DNAH2: variants seen among roughly 807,000 people sequenced by gnomAD.
DNAH2 encodes the protein axonemal beta dynein heavy chain 2.
In DNAH2, 323 loss-of-function variants were observed where a neutral mutation model predicts 523.5. The ratio of observed to expected loss-of-function variants is 0.62; its 90% CI spans 0.56 to 0.68. DNAH2 has a LOEUF of 0.68. Among genes scored for constraint, DNAH2 ranks in the 30% least tolerant of loss-of-function variants. The pLI is 0.00. For missense variants in DNAH2, 4,907 were observed against 5,701.5 expected (o/e 0.86, Z 4.49); for synonymous variants, 2,093 against 2,177.4 (o/e 0.96, Z 1.08).
chr17:7,777,182 T>C (rs2076479376), intron 32 of DNAH2, among the ~76,000 whole-genome samples: 1 of 150,870 alleles, frequency 6.6e-6, no homozygotes, highest in African/African-American at 2.4e-5. Context: ...AGGTGGGTGC[T>C]CTGCAAGTAT....
At chr17:7,734,035 T>A in intron 5 of DNAH2, 148 bp from the exon 6 acceptor site, 1 of 659,176 alleles carries the variant, frequency 1.5e-6, no homozygotes, top group Non-Finnish European at 2.6e-6. Flanking sequence ...TTTCTTGATA[T>A]CAAAAAAGCA....
chr17:7,771,356 C>T lies in DNAH2; in HGVS notation c.4389C>T (p.Arg1463=). The T allele has an allele frequency of 1.9e-6, 3 of 1,614,160 alleles. No individual in the cohort carries two copies. Among genetic ancestry groups the T allele is most frequent in the South Asian group, 2.2e-5 (2 of 91,086 alleles). ...ATATCTTCCTAGGAGAAGACATCCG[C>T]AAGCAGCTGCCCAATGAATCGACCT... ...LENIFLGEDI[R]KQLPNESTLF... is the part of the protein sequence containing the mutation. Residue 1463 remains arginine, a synonymous_variant, in exon 28 of 86, where the codon CGC becomes CGT. Transcript: ENST00000572933.
chr17:7,791,398 A>G (rs1597670111), intron 44 of DNAH2, among the ~76,000 whole-genome samples: 1 of 152,186 alleles, frequency 6.6e-6, no homozygotes, highest in East Asian at 1.9e-4. Flanking sequence ...TTTTAAAACT[A>G]TATCATGCTA....
Position 7,824,641 on chromosome 17 carries a change from C to T in DNAH2, c.11767C>T (p.Arg3923Cys), listed in dbSNP as rs138939073. The change falls in exon 77 of 86, where the codon CGC becomes TGC. Residue 3923 changes from arginine (R) to cysteine (C), a missense_variant. Coordinates refer to ENST00000572933, the MANE Select transcript of DNAH2 (RefSeq NM_020877.5). ...LQVEDPHPSFRLWLSSIPHPD... is the reference protein window; with the variant it reads ...LQVEDPHPSFCLWLSSIPHPD... ...GGTGGAGGATCCTCATCCATCCTTC[C>T]GCCTCTGGCTCAGCTCCATCCCCCA... is the stretch of plus-strand genomic sequence containing the variant. 72 of 1,609,498 alleles carry T rather than the reference C, an allele frequency of 4.5e-5. No homozygotes were observed. Among genetic ancestry groups the T allele is most frequent in the African/African-American group, 6.7e-5 (5 of 74,890 alleles).
rs751860606 is a variant in DNAH2, at chr17:7,779,352, C to T, written c.5651C>T (p.Thr1884Ile). 3.7e-6 allele frequency: 6 copies of T among 1,614,008 alleles called. No individual in the cohort carries two copies. In the Admixed American group the frequency reaches 5.0e-5, roughly 13 times the overall value. Residue 1884 changes from threonine to isoleucine, a missense_variant, in exon 36 of 86, where the codon ACC becomes ATC. Thr to Ile is a moderately conservative substitution (Grantham distance 89). Transcript: ENST00000572933. ...CTGTCTGCCCTGGCTGCCGGCCTCA[C>T]CCATTTCCATTTTGATGGCTTTGAA... ...CILSALAAGLTHFHFDGFEIN... is the reference protein window; with the variant it reads ...CILSALAAGLIHFHFDGFEIN...
At chr17:7,721,237 G>A (rs1003984655) in intron 2 of DNAH2, among the ~76,000 whole-genome samples, 2 of 151,720 alleles carry the variant, frequency 1.3e-5, no homozygotes, top group African/African-American at 4.8e-5. Context: ...GCAGTGGTGC[G>A]ATCTCAGTTC....
chr17:7,788,191 G>A lies in DNAH2; in HGVS notation c.6847G>A (p.Gly2283Ser), dbSNP rs201662445. Residue 2283 changes from glycine to serine, a missense_variant, in exon 44 of 86, where the codon GGT (glycine) becomes AGT (serine). Physicochemically the swap from Gly to Ser is moderately conservative, Grantham distance 56 (BLOSUM62 0). Around this residue, in one of 3 missense-constraint regions of DNAH2, gnomAD observed 2,806 missense variants for 3,190.8 expected, o/e 0.88. Coordinates refer to ENST00000572933, the MANE Select transcript of DNAH2 (RefSeq NM_020877.5). ...GCTGGTGCCCCTGCCCGAGTACAGCGGTATCACCTCCCTCTGCAAGCTGTA... is the reference window on the plus strand; with the variant it reads ...GCTGGTGCCCCTGCCCGAGTACAGCAGTATCACCTCCCTCTGCAAGCTGTA... ...KELVPLPEYSGITSLCKLYSA... is the reference protein window; with the variant it reads ...KELVPLPEYSSITSLCKLYSA... 1.6e-5 allele frequency: 25 copies of A among 1,611,276 alleles called. No individual in the cohort carries two copies. The highest frequency in any genetic ancestry group is 5.0e-5 in the Admixed American group (3 of 59,482).
chr17:7,735,173 C>T (rs2075105041), intron 7 of DNAH2, among the ~76,000 whole-genome samples: 1 of 152,106 alleles, frequency 6.6e-6, no homozygotes, highest in African/African-American at 2.4e-5. Context: ...CTCTGTTGCC[C>T]AGGCTGGAGT....
chr17:7,770,412 C>T lies in DNAH2; in HGVS notation c.4098+4C>T, dbSNP rs769592554. ...TAAAGAGCTGGCTATAGAAGTGGTA[C>T]GACAGTCCCCTCCCATGCTCCCACA... On this transcript the variant is annotated splice_donor_region_variant and intron_variant, in intron 25 of 85. Transcript: ENST00000572933. The T allele has an allele frequency of 3.7e-5, 59 of 1,611,378 alleles. No individual in the cohort carries two copies. The highest frequency in any genetic ancestry group is 4.8e-5 in the Non-Finnish European group (57 of 1,178,624).
chr17:7,798,526 G>C lies in DNAH2; in HGVS notation c.8399-32G>C. 6.2e-7 allele frequency: 1 copy of C among 1,611,676 alleles called. No individual in the cohort carries two copies. Among genetic ancestry groups the C allele is most frequent in the Non-Finnish European group, 8.5e-7 (1 of 1,178,844 alleles). ...TCAAGCCCAGGATGGGGAATCTGCA[G>C]TGAGTTTGTCCTCCTTCCCTCCCCC... is the stretch of plus-strand genomic sequence containing the variant. On this transcript the variant is annotated intron_variant, in intron 54 of 85. Transcript: ENST00000572933. The surrounding 1 kb of genome is among the most constrained non-coding windows in gnomAD (Gnocchi z 5.5).
chr17:7,719,576 A>G, intron 1 of DNAH2, 145 bp from the exon 2 acceptor site: 1 of 1,022,330 alleles, frequency 9.8e-7, no homozygotes. Flanking sequence ...CCTTGTGGTT[A>G]ATGGAGCAGG....
chr17:7,755,296 G>C (rs2075805448), intron 12 of DNAH2, among the ~76,000 whole-genome samples: 2 of 150,734 alleles, frequency 1.3e-5, no homozygotes, highest in South Asian at 4.3e-4. Flanking sequence ...GGGACAGGCT[G>C]AGTCACGGTG....
In DNAH2 at chr17:7,771,479, C is replaced by T. The variant is rs1321995804; in HGVS notation, c.4501+11C>T. The T allele has an allele frequency of 1.2e-5, 19 of 1,613,600 alleles. No homozygotes were observed. The highest frequency in any genetic ancestry group is 1.5e-5 in the Non-Finnish European group (18 of 1,179,796). On this transcript the variant is annotated intron_variant, in intron 28 of 85. Coordinates refer to ENST00000572933, the MANE Select transcript of DNAH2 (RefSeq NM_020877.5). The stretch of plus-strand genomic sequence containing the variant: ...GCACCCATCACCCAGGTCAGAGCTC[C>T]AGGGCTCCTGCCCTGACACAGCCTC...
chr17:7,723,767 T>C, intron 3 of DNAH2, 78 bp downstream of exon 3: 2 of 1,252,714 alleles, frequency 1.6e-6, no homozygotes, highest in Admixed American at 3.6e-5. Context: ...GGATGGCACA[T>C]GAGGAATTCT....
chr17:7,797,105 A>C (rs1219802254), intron 50 of DNAH2, 71 bp from the exon 51 acceptor site: 3 of 1,230,666 alleles, frequency 2.4e-6, no homozygotes, highest in African/African-American at 3.5e-5. Flanking sequence ...CTGTCCCAAA[A>C]AAAAAAAAAA....
At chr17:7,801,755 C>G in intron 57 of DNAH2, 45 bp downstream of exon 57, 3 of 1,611,308 alleles carry the variant, frequency 1.9e-6, no homozygotes, top group Non-Finnish European at 2.5e-6. Context: ...TGGCCTCCCT[C>G]TCCCCCGCCT....
In DNAH2 at chr17:7,781,053, C is replaced by A; in HGVS notation, c.6015C>A (p.Leu2005=). 1 of 1,614,188 alleles carries A rather than the reference C, an allele frequency of 6.2e-7. No homozygotes were observed. Among genetic ancestry groups the A allele is most frequent in the Non-Finnish European group, 8.5e-7 (1 of 1,180,056 alleles). The change falls in exon 39 of 86, where the codon CTC becomes CTA. Residue 2005 remains leucine (L), a synonymous_variant. Transcript: ENST00000572933. ...CTTTTCCCATTCAGGTTCTGCTGCT[C>A]TCAATGAGAGATATGAACATCGCCA... ...PDLTDEEVLL[L]SMRDMNIAKL... is the part of the protein sequence containing the mutation.
Position 7,788,191 on chromosome 17 carries a change from G to T in DNAH2, c.6847G>T (p.Gly2283Cys). The change falls in exon 44 of 86, where the codon GGT (glycine) becomes TGT (cysteine). Residue 2283 changes from glycine (G) to cysteine (C), a missense_variant. Physicochemically the swap from Gly to Cys is radical, Grantham distance 159. Coordinates refer to ENST00000572933, the MANE Select transcript of DNAH2 (RefSeq NM_020877.5). Reference sequence around the variant, plus strand: ...GCTGGTGCCCCTGCCCGAGTACAGCGGTATCACCTCCCTCTGCAAGCTGTA... The same window carrying T: ...GCTGGTGCCCCTGCCCGAGTACAGCTGTATCACCTCCCTCTGCAAGCTGTA... ...KELVPLPEYS[G>C]ITSLCKLYSA... The T allele has an allele frequency of 1.2e-6, 2 of 1,611,394 alleles. No individual in the cohort carries two copies. The highest frequency in any genetic ancestry group is 1.7e-6 in the Non-Finnish European group (2 of 1,178,746).
chr17:7,759,409 T>C lies in DNAH2; in HGVS notation c.2449-13T>C. On this transcript the variant is annotated splice_polypyrimidine_tract_variant and intron_variant, in intron 15 of 85. Transcript: ENST00000572933. ...CCTGAAAAGTTCTCTTTTTCCTCCCTCCATCCCATCAGATTCAGCAGCAGT... is the reference window on the plus strand; with the variant it reads ...CCTGAAAAGTTCTCTTTTTCCTCCCCCCATCCCATCAGATTCAGCAGCAGT... 11 of 1,601,758 alleles carry C rather than the reference T, an allele frequency of 6.9e-6. No homozygotes were observed. The highest frequency in any genetic ancestry group is 9.4e-6 in the Non-Finnish European group (11 of 1,171,970).
Sources: gnomAD v4.1 joint callset for allele counts (sites outside exome capture counted in the v4.1 genomes callset) on GRCh38, gnomAD v4.1.1 for gene constraint, gnomAD v4.1.1 regional missense constraint, Gnocchi (gnomAD v3.1) non-coding constraint, MANE v1.5 for transcripts, NCBI Gene and HGNC (gene_info 2026-07-23, HGNC 2026-07-21) for gene names.